Variants in COA1 observed in about 807,000 individuals in gnomAD.
COA1 encodes the protein cytochrome c oxidase assembly factor 1 homolog.
In COA1, 13 loss-of-function variants were observed where a neutral mutation model predicts 16.0. The ratio of observed to expected loss-of-function variants is 0.81; its 90% confidence interval spans 0.53 to 1.29. The LOEUF (loss-of-function observed/expected upper bound fraction) is 1.29, where lower values mean the gene tolerates loss of function less well. Among genes scored for constraint, COA1 ranks in the 50% most tolerant of loss-of-function variants. The probability of loss-of-function intolerance (pLI) is 0.00; values close to 1 mark genes in which losing one functional copy is unlikely to be tolerated. For missense variants in COA1, 179 were observed against 177.0 expected, an observed-to-expected ratio of 1.01 and a Z score of -0.06; for synonymous variants, 65 against 65.7, an observed-to-expected ratio of 0.99 and a Z score of 0.05.
chr7:43,691,063 A>AC (rs1291239828), intron 1 of COA1, among the ~76,000 whole-genome samples: 40 of 132,614 alleles, frequency 3.0e-4, no homozygotes, highest in Admixed American at 7.6e-5. Context: ...ACAAAAAAAA[A>AC]AAAAAAAAAA....
intron 1 of COA1, among the ~76,000 whole-genome samples, chr7:43,685,261 T>C (rs1054125833): frequency 5.3e-5 from 8 of 152,036 alleles, no homozygotes; most frequent in Non-Finnish European, 1.2e-4. Context: ...AAAATCATTG[T>C]AAATGCTCTG....
At chr7:43,638,974 C>A (rs530624244), downstream of COA1, 1 of 152,252 alleles carries the variant, frequency 6.6e-6, no homozygotes, top group Admixed American at 6.5e-5. Context: ...GGAATAAAAA[C>A]AATTATTTTG....
chr7:43,716,188 G>A (rs561917361), intron 1 of COA1, among the ~76,000 whole-genome samples: 2 of 152,330 alleles, frequency 1.3e-5, no homozygotes, highest in South Asian at 4.1e-4. Flanking sequence ...AAATGTGGAA[G>A]TGACTTTGGA....
chr7:43,710,115 T>G (rs922531144), intron 1 of COA1, among the ~76,000 whole-genome samples: 2 of 151,818 alleles, frequency 1.3e-5, no homozygotes, highest in East Asian at 3.9e-4. Context: ...TTTGGGAGGC[T>G]GAGGCAGGCG....
At chr7:43,673,581 T>C (rs766324484) in intron 1 of COA1, among the ~76,000 whole-genome samples, 3 of 152,212 alleles carry the variant, frequency 2.0e-5, no homozygotes, top group Non-Finnish European at 4.4e-5. Flanking sequence ...GGAAAGCAGT[T>C]TGGCAATTTC....
At chr7:43,625,256 A>G (rs1276494280) in intron 6 of COA1, 1 of 153,756 alleles carries the variant, frequency 6.5e-6, no homozygotes, top group African/African-American at 2.4e-5. Context: ...GTCTACTAAA[A>G]TTGCTACTTT....
intron 6 of COA1, among the ~76,000 whole-genome samples, chr7:43,621,681 A>T (rs1362970856): frequency 6.6e-6 from 1 of 152,158 alleles, no homozygotes. Flanking sequence ...TGTGTTGCCC[A>T]GGCTAGTGAT....
chr7:43,644,047 C>G (rs2087977618), intron 4 of COA1, among the ~76,000 whole-genome samples: 1 of 152,152 alleles, frequency 6.6e-6, no homozygotes. Context: ...TACCTGCCCA[C>G]ACCCACCTCG....
chr7:43,696,630 G>A (rs2094535550), intron 1 of COA1, among the ~76,000 whole-genome samples: 1 of 151,956 alleles, frequency 6.6e-6, no homozygotes, highest in African/African-American at 2.4e-5. Context: ...GATATGTAAG[G>A]TATGATGGTG....
intron 1 of COA1, among the ~76,000 whole-genome samples, chr7:43,714,235 A>G (rs2095332629): frequency 6.6e-6 from 1 of 152,106 alleles, no homozygotes; most frequent in Admixed American, 6.6e-5. Flanking sequence ...TTTTTGTAAT[A>G]GAGTTATACT....
intron 2 of COA1, 121 bp downstream of exon 2, chr7:43,648,479 G>A (rs1302616717): frequency 9.7e-6 from 10 of 1,033,484 alleles, no homozygotes; most frequent in East Asian, 2.4e-5. Context: ...TAAAGCACAA[G>A]TGAACCCTAA....
intron 6 of COA1, chr7:43,624,841 G>A (rs144740791): frequency 3.4e-4 from 545 of 1,590,988 alleles, no homozygotes; most frequent in Non-Finnish European, 4.3e-4. Context: ...TTTATCTACT[G>A]AGCAATATTT....
chr7:43,712,177 A>G, intron 1 of COA1, among the ~76,000 whole-genome samples: 1 of 152,076 alleles, frequency 6.6e-6, no homozygotes, highest in East Asian at 1.9e-4. Context: ...CAATGGCACA[A>G]TCTCGGCTCA....
At chr7:43,635,040 A>G (rs1160381853), downstream of COA1, among the ~76,000 whole-genome samples, 2 of 151,678 alleles carry the variant, frequency 1.3e-5, no homozygotes, top group South Asian at 2.1e-4. Context: ...AAGTGTGTCT[A>G]CTCTTTCTTG....
At chr7:43,610,131 G>A (rs1414287589) in intron 6 of COA1, among the ~76,000 whole-genome samples, 1 of 152,100 alleles carries the variant, frequency 6.6e-6, no homozygotes, top group African/African-American at 2.4e-5. Flanking sequence ...CGGATCACAA[G>A]GTCAGGAGAT....
intron 1 of COA1, among the ~76,000 whole-genome samples, chr7:43,687,946 G>A (rs2094115959): frequency 6.6e-6 from 1 of 152,184 alleles, no homozygotes; most frequent in Admixed American, 6.5e-5. Flanking sequence ...ACTGAATCAT[G>A]GGGGCCAGTC....
chr7:43,623,344 A>G, intron 6 of COA1: 1 of 481,686 alleles, frequency 2.1e-6, no homozygotes, highest in Non-Finnish European at 3.6e-6. Flanking sequence ...ATTTTGTAAA[A>G]TACTAGGGAC....
At chr7:43,616,490 G>T (rs1029184169) in intron 6 of COA1, among the ~76,000 whole-genome samples, 6 of 152,160 alleles carry the variant, frequency 3.9e-5, no homozygotes, top group Admixed American at 3.3e-4. Context: ...CTGTCCTCAT[G>T]AAGCTGTAGA....
At chr7:43,725,406 A>C in intron 1 of COA1, among the ~76,000 whole-genome samples, 1 of 152,360 alleles carries the variant, frequency 6.6e-6, no homozygotes, top group South Asian at 2.1e-4. Flanking sequence ...AGAAAAGACA[A>C]AACACTGAAA....
Sources: gnomAD v4.1 joint callset for allele counts (sites outside exome capture counted in the v4.1 genomes callset) on GRCh38, gnomAD v4.1.1 for gene constraint, MANE v1.5 for transcripts, NCBI Gene and HGNC (gene_info 2026-07-23, HGNC 2026-07-21) for gene names.